Variants in ADGRL2 observed in about 807,000 individuals in gnomAD.
ADGRL2 encodes calcium-independent alpha-latrotoxin receptor 2.
ADGRL2 carries 44 observed loss-of-function variants against 157.4 expected under a neutral mutation model. The ratio of observed to expected loss-of-function variants is 0.28; its 90% CI spans 0.22 to 0.36. The LOEUF is 0.36. ADGRL2 is among the 10% of genes least tolerant of loss of function. The probability of loss-of-function intolerance (pLI) is 1.00; values close to 1 mark genes in which losing one functional copy is unlikely to be tolerated. For synonymous variants in ADGRL2, 585 were observed against 624.7 expected, an observed-to-expected ratio of 0.94 and a Z score of 0.95; for missense variants, 1,510 against 1,768.9, an observed-to-expected ratio of 0.85 and a Z score of 2.63.
intron 1 of ADGRL2, among the ~76,000 whole-genome samples, chr1:81,406,988 T>C (rs2076865182): frequency 6.6e-6 from 1 of 152,204 alleles, no homozygotes; most frequent in African/African-American, 2.4e-5. Flanking sequence ...TTCTGTTTCA[T>C]TTTGTTTTGA....
At chr1:81,928,781 T>A (rs1475638203) in intron 3 of ADGRL2, among the ~76,000 whole-genome samples, 3 of 152,088 alleles carry the variant, frequency 2.0e-5, no homozygotes, top group Non-Finnish European at 4.4e-5. Flanking sequence ...TGTGTATGTT[T>A]TGTTTATACT....
intron 1 of ADGRL2, among the ~76,000 whole-genome samples, chr1:81,360,364 C>T (rs1163270244): frequency 6.6e-6 from 1 of 151,794 alleles, no homozygotes; most frequent in Admixed American, 6.6e-5. Context: ...AAAGAATATA[C>T]CCTATATACT....
intron 2 of ADGRL2, among the ~76,000 whole-genome samples, chr1:81,789,493 C>T (rs914789804): frequency 1.3e-5 from 2 of 151,702 alleles, no homozygotes; most frequent in African/African-American, 4.8e-5. Flanking sequence ...TTTGGGAGGC[C>T]GAGGTGGGCA....
intron 3 of ADGRL2, among the ~76,000 whole-genome samples, chr1:81,581,210 GA>G (rs367915405): frequency 0.014 from 2,167 of 152,084 alleles, 20 homozygotes; most frequent in Middle Eastern, 0.037. Flanking sequence ...AGCTTTGCAA[GA>G]AAAAAAGTTT....
intron 2 of ADGRL2, among the ~76,000 whole-genome samples, chr1:81,516,147 A>G (rs1437511923): frequency 6.6e-6 from 1 of 152,240 alleles, no homozygotes; most frequent in African/African-American, 2.4e-5. Context: ...TTTTTTCCTT[A>G]GAATAAATGC....
rs138630552 is a variant in ADGRL2 at position 81,941,377 on chromosome 1, A to G, written c.398-657A>G. On this transcript the variant is annotated intron_variant, in intron 4 of 23. Transcript: ENST00000686636. ...GGATATTGATATATTCCTAAAGAGGAGGCTTTTTTAATGGTTAAAATTAAT... is the reference window on the plus strand; with the variant it reads ...GGATATTGATATATTCCTAAAGAGGGGGCTTTTTTAATGGTTAAAATTAAT... Among the ~76,000 whole-genome samples, 862 of 151,614 alleles carry G rather than the reference A, an allele frequency of 5.7e-3. 5 individuals are homozygous for G. The highest frequency in any genetic ancestry group is 0.02 in the African/African-American group (818 of 41,472).
chr1:81,640,618 C>T, intron 3 of ADGRL2, among the ~76,000 whole-genome samples: 1 of 145,478 alleles, frequency 6.9e-6, no homozygotes, highest in Admixed American at 7.0e-5. Flanking sequence ...GCGACAGAGC[C>T]AGACTCCATC....
At chr1:81,373,719 G>A (rs1418117190) in intron 1 of ADGRL2, among the ~76,000 whole-genome samples, 1 of 152,196 alleles carries the variant, frequency 6.6e-6, no homozygotes, top group African/African-American at 2.4e-5. Context: ...AACATCTCTA[G>A]TGGTGTGGCA....
chr1:81,435,982 C>T lies in ADGRL2; in HGVS notation c.-301-9054C>T, dbSNP rs373604154. Among the ~76,000 whole-genome samples the T allele has an allele frequency of 5.3e-5, 8 of 152,166 alleles. No homozygotes were observed. The East Asian group carries it at 1.4e-3, about 26-fold the overall frequency. On this transcript the variant is annotated intron_variant, in intron 1 of 24. Transcript: ENST00000370721. ...GTGGTGGTGGATGCTGTAATCCCAG[C>T]TACTCGGGAGGCTGAGGCAGGAGAA...
intron 1 of ADGRL2, among the ~76,000 whole-genome samples, chr1:81,373,294 T>C (rs1301351852): frequency 1.3e-5 from 2 of 152,192 alleles, no homozygotes; most frequent in Middle Eastern, 3.2e-3. Flanking sequence ...TGTTAGCCTA[T>C]GAAAAACCCT....
At chr1:81,944,224 C>G (rs1008962661) in intron 6 of ADGRL2, among the ~76,000 whole-genome samples, 5 of 152,006 alleles carry the variant, frequency 3.3e-5, no homozygotes, top group African/African-American at 1.2e-4. Flanking sequence ...TGTCTGTTCT[C>G]TCAGTAGGAG....
intron 2 of ADGRL2, chr1:81,502,456 C>A: frequency 6.2e-7 from 1 of 1,614,024 alleles, no homozygotes; most frequent in Non-Finnish European, 8.5e-7. Flanking sequence ...TGGATGACCT[C>A]TTCGTCTTTA....
intron 1 of ADGRL2, among the ~76,000 whole-genome samples, chr1:81,831,174 A>T (rs2091919703): frequency 6.6e-6 from 1 of 152,154 alleles, no homozygotes; most frequent in Non-Finnish European, 1.5e-5. Context: ...ATTGCTAGTT[A>T]TATTGGAGGA....
intron 2 of ADGRL2, among the ~76,000 whole-genome samples, chr1:81,535,401 G>A (rs959768626): frequency 1.3e-5 from 2 of 152,126 alleles, no homozygotes; most frequent in African/African-American, 4.8e-5. Context: ...TCTCATGTGT[G>A]TGTGTATGTG....
intron 1 of ADGRL2, among the ~76,000 whole-genome samples, chr1:81,738,270 A>T (rs2084966518): frequency 6.6e-6 from 1 of 152,154 alleles, no homozygotes; most frequent in Non-Finnish European, 1.5e-5. Context: ...CATGACTGGA[A>T]GAACGGCAGA....
chr1:81,618,005 A>G (rs1266229229), intron 3 of ADGRL2, among the ~76,000 whole-genome samples: 2 of 152,136 alleles, frequency 1.3e-5, no homozygotes, highest in African/African-American at 2.4e-5. Context: ...TTTTGTTTTC[A>G]ATTGCTGAAT....
At chr1:81,449,319 G>C (rs954153603) in intron 2 of ADGRL2, among the ~76,000 whole-genome samples, 15 of 152,182 alleles carry the variant, frequency 9.9e-5, no homozygotes, top group Non-Finnish European at 1.9e-4. Context: ...TATTATCCAG[G>C]GTCTGTGTAA....
intron 2 of ADGRL2, among the ~76,000 whole-genome samples, chr1:81,867,187 AT>A (rs1268827140): frequency 6.6e-6 from 1 of 152,132 alleles, no homozygotes; most frequent in African/African-American, 2.4e-5. Context: ...TGGGTAATAA[AT>A]TACTTTTATG....
In ADGRL2 at chr1:81,857,035, T is replaced by C. The variant is rs2093227560; in HGVS notation, c.73+19978T>C. Among the ~76,000 whole-genome samples the C allele has an allele frequency of 3.9e-5, 6 of 152,334 alleles. No individual in the cohort carries two copies. In the South Asian group the frequency reaches 1.2e-3, roughly 32 times the overall value. On this transcript the variant is annotated intron_variant, in intron 2 of 23. Coordinates refer to ENST00000686636, the MANE Select transcript of ADGRL2 (RefSeq NM_001366006.2). ...ACAATGACTGCACTTGTCAGTCCTT[T>C]ACTGGATATTAATCACTGTAGTAGG... is the stretch of plus-strand genomic sequence containing the variant.
Sources: allele counts gnomAD v4.1 joint callset (sites outside exome capture counted in the v4.1 genomes callset), GRCh38; gene constraint gnomAD v4.1.1; transcripts MANE v1.5; gene names NCBI Gene and HGNC (gene_info 2026-07-23, HGNC 2026-07-21).